The following PARK7 variants were observed in gnomAD, a reference collection of about 807,000 sequenced individuals.
PARK7 encodes the protein Parkinson disease protein 7.
PARK7 carries 14 observed loss-of-function variants against 20.5 expected under a neutral mutation model. The ratio of observed to expected loss-of-function variants is 0.68; its 90% CI spans 0.45 to 1.07. The LOEUF is 1.07. PARK7 is among the 50% of genes least tolerant of loss of function. PARK7 has a pLI of 0.00. For synonymous variants in PARK7, 98 were observed against 84.3 expected (o/e 1.16, Z -0.89); for missense variants, 234 against 238.1 (o/e 0.98, Z 0.11).
chr1:7,964,494 A>G (rs1640285520), intron 2 of PARK7, among the ~76,000 whole-genome samples: 1 of 152,224 alleles, frequency 6.6e-6, no homozygotes, highest in African/African-American at 2.4e-5. Flanking sequence ...ACTGAATGCC[A>G]CAATCTACCC....
rs374738613 is a variant in PARK7 at position 7,969,299 on chromosome 1, T to C, written c.193-46T>C. ...ATTGGACTGTCAATTTAATGCACAG[T>C]TGAAATGAAATGTTTTTGTTTTCTT... On this transcript the variant is annotated intron_variant, in intron 3 of 6. Coordinates refer to ENST00000338639, the MANE Select transcript of PARK7 (RefSeq NM_007262.5). 9.4e-6 allele frequency: 14 copies of C among 1,493,090 alleles called. No individual in the cohort carries two copies. The African/African-American group carries it at 1.8e-4, about 19-fold the overall frequency. The allele number at this position is 1,493,090 out of a possible 1,614,324, so 92.5% of individuals were successfully genotyped here. A position where few individuals can be genotyped will look rare whatever the true frequency, so the allele number is the denominator to read the frequency against.
At chr1:7,971,318 C>G in intron 5 of PARK7, 1 of 370,690 alleles carries the variant, frequency 2.7e-6, no homozygotes, top group South Asian at 2.2e-5. Context: ...CATCAAACAT[C>G]AACACAGCAG....
intron 1 of PARK7, 27 bp downstream of exon 1, chr1:7,961,820 T>G (rs1640208377): frequency 6.6e-6 from 1 of 152,142 alleles, no homozygotes; most frequent in Non-Finnish European, 1.5e-5. Context: ...GCGCGGCGCA[T>G]GTGTGGGCCG....
intron 6 of PARK7, among the ~76,000 whole-genome samples, chr1:7,979,799 G>C (rs930528073): frequency 1.3e-5 from 2 of 152,090 alleles, no homozygotes; most frequent in Non-Finnish European, 2.9e-5. Context: ...ACTGTGCCCC[G>C]CTCATGGTTT....
intron 5 of PARK7, among the ~76,000 whole-genome samples, chr1:7,974,558 G>A (rs1326483945): frequency 6.6e-6 from 1 of 151,818 alleles, no homozygotes; most frequent in African/African-American, 2.4e-5. Context: ...GAACCTGGGG[G>A]GCAGAGCTTG....
rs1640768234 is a variant in PARK7 at position 7,984,133 on chromosome 1, G to A, written c.410-761G>A. Among the ~76,000 whole-genome samples, 1 of 152,112 alleles carries A rather than the reference G, an allele frequency of 6.6e-6. No homozygotes were observed. Among genetic ancestry groups the A allele is most frequent in the Non-Finnish European group, 1.5e-5 (1 of 68,022 alleles). ...AGCTGGTCTCTGGGTGGAGGGAGCA[G>A]CCCTTGAGCTCTTCCTGGAGCAGGA... On this transcript the variant is annotated intron_variant, in intron 6 of 6. Transcript: ENST00000338639. This position sits in a 1 kb window ranked among gnomAD's most constrained non-coding sequence, Gnocchi z 4.3.
chr1:7,969,724 C>G (rs1022798745), intron 4 of PARK7, among the ~76,000 whole-genome samples: 1 of 152,110 alleles, frequency 6.6e-6, no homozygotes, highest in South Asian at 2.1e-4. Flanking sequence ...GGATTGCAGG[C>G]ATGCACCCCC....
intron 3 of PARK7, among the ~76,000 whole-genome samples, chr1:7,966,112 C>T (rs1313077458): frequency 6.6e-6 from 1 of 152,102 alleles, no homozygotes; most frequent in Non-Finnish European, 1.5e-5. Flanking sequence ...CATGCTCCCC[C>T]ACAGGCGCTT....
chr1:7,985,106 C>T lies in PARK7; in HGVS notation c.*52C>T. The T allele has an allele frequency of 6.3e-7, 1 of 1,594,522 alleles. No homozygotes were observed. The highest frequency in any genetic ancestry group is 8.5e-7 in the Non-Finnish European group (1 of 1,171,122). The stretch of plus-strand genomic sequence containing the variant: ...AGAAACAGGCCGTTAGGAATCCATT[C>T]TCACTGTGTTCGCTCTAAACAAAAC... On this transcript the variant is annotated 3_prime_UTR_variant, in exon 7 of 7. Transcript: ENST00000338639.
intron 2 of PARK7, among the ~76,000 whole-genome samples, chr1:7,963,306 C>T (rs995815412): frequency 3.0e-4 from 46 of 152,196 alleles, no homozygotes; most frequent in African/African-American, 4.6e-4. Flanking sequence ...TCAAGTTGTC[C>T]ACCCGCCTCA....
At chr1:7,964,509 C>T (rs1223347925) in intron 2 of PARK7, among the ~76,000 whole-genome samples, 3 of 152,204 alleles carry the variant, frequency 2.0e-5, no homozygotes, top group Non-Finnish European at 4.4e-5. Context: ...CTACCCATTC[C>T]TCTAATTACA....
At chr1:7,972,353 A>G (rs929066581) in intron 5 of PARK7, among the ~76,000 whole-genome samples, 1 of 152,184 alleles carries the variant, frequency 6.6e-6, no homozygotes, top group Non-Finnish European at 1.5e-5. Context: ...ATGTAGTCCC[A>G]GCTACTCAGG....
intron 6 of PARK7, among the ~76,000 whole-genome samples, chr1:7,980,478 A>T (rs761406698): frequency 2.6e-5 from 4 of 152,166 alleles, no homozygotes; most frequent in Non-Finnish European, 5.9e-5. Flanking sequence ...CCCGTACGTT[A>T]TCTTGGTGGA....
chr1:7,980,406 T>A (rs775636964), intron 6 of PARK7, among the ~76,000 whole-genome samples: 6 of 152,110 alleles, frequency 3.9e-5, no homozygotes, highest in Non-Finnish European at 7.4e-5. Context: ...ACATTGAGGT[T>A]GGTCAGGCAT....
rs192237453 is a variant in PARK7 at position 7,972,500 on chromosome 1, C to A, written c.322+1537C>A. ...TTCGCCTTTTTTCTTCTCAGTCTTT[C>A]AGGAGTGACATCAGAGTAGGATGAT... On this transcript the variant is annotated intron_variant, in intron 5 of 6. Transcript: ENST00000338639. Among the ~76,000 whole-genome samples the A allele has an allele frequency of 2.1e-4, 32 of 152,172 alleles. No individual in the cohort carries two copies. In the East Asian group the frequency reaches 6.0e-3, roughly 29 times the overall value.
rs748116504 is a variant in PARK7 at position 7,971,030 on chromosome 1, T to C, written c.322+67T>C. 88 of 1,528,056 alleles carry C rather than the reference T, an allele frequency of 5.8e-5. 1 individual carries two copies. Among genetic ancestry groups the C allele is most frequent in the Non-Finnish European group, 7.4e-5 (82 of 1,102,104 alleles). 94.7% of individuals were successfully genotyped at this position (1,528,056 alleles called of 1,614,324 possible). A position where few individuals can be genotyped will look rare whatever the true frequency, so the allele number is the denominator to read the frequency against. The stretch of plus-strand genomic sequence containing the variant: ...GTGGGGTAGCCTTTCATTCGATGGT[T>C]TGATTCCAAATAGCTCTTCCCCTTC... On this transcript the variant is annotated intron_variant, in intron 5 of 6. Transcript: ENST00000338639.
intron 1 of PARK7, 76 bp from the exon 2 acceptor site, chr1:7,962,687 C>T (rs1233777310): frequency 5.3e-6 from 5 of 952,366 alleles, no homozygotes; most frequent in South Asian, 1.5e-5. Context: ...GAAAATGCTC[C>T]TAAACTTTAA....
At chr1:7,973,849 A>C (rs1190235285) in intron 5 of PARK7, among the ~76,000 whole-genome samples, 2 of 151,176 alleles carry the variant, frequency 1.3e-5, no homozygotes, top group Non-Finnish European at 2.9e-5. Context: ...CGGAGATTGC[A>C]GTGAGCCGAG....
chr1:7,980,379 C>A (rs1194631584), intron 6 of PARK7, among the ~76,000 whole-genome samples: 2 of 152,078 alleles, frequency 1.3e-5, no homozygotes, highest in African/African-American at 2.4e-5. Context: ...CATCTGTTTT[C>A]CTTTAGTGCC....
Sources: allele counts gnomAD v4.1 joint callset (sites outside exome capture counted in the v4.1 genomes callset), GRCh38; gene constraint gnomAD v4.1.1; non-coding constraint Gnocchi (gnomAD v3.1); transcripts MANE v1.5; gene names NCBI Gene and HGNC (gene_info 2026-07-23, HGNC 2026-07-21).